SULT1E1: variants seen among roughly 807,000 people sequenced by gnomAD.
The protein encoded by SULT1E1 is sulfotransferase 1E1.
SULT1E1 carries 36 observed loss-of-function variants against 33.6 expected under a neutral mutation model. The ratio of observed to expected loss-of-function variants is 1.07; its 90% confidence interval spans 0.82 to 1.41. SULT1E1 has a LOEUF of 1.41. SULT1E1 is among the 40% of genes most tolerant of loss of function. SULT1E1 has a pLI of 0.00. For missense variants in SULT1E1, 371 were observed against 345.7 expected, an observed-to-expected ratio of 1.07 and a Z score of -0.58; for synonymous variants, 121 against 111.7, an observed-to-expected ratio of 1.08 and a Z score of -0.53.
chr4:69,851,531 G>T (rs1721106148), intron 4 of SULT1E1, among the ~76,000 whole-genome samples: 1 of 152,184 alleles, frequency 6.6e-6, no homozygotes, highest in African/African-American at 2.4e-5. Context: ...TGATGGGACT[G>T]TAAACTAGTT....
chr4:69,855,389 A>G lies in SULT1E1; in HGVS notation c.183T>C (p.Tyr61=). 6.2e-7 allele frequency: 1 copy of G among 1,613,042 alleles called. No homozygotes were observed. Among genetic ancestry groups the G allele is most frequent in the Non-Finnish European group, 8.5e-7 (1 of 1,179,434 alleles). ...TWVSEIVYMI[Y]KEGDVEKCKE... The stretch of plus-strand genomic sequence containing the variant: ...TGCACTTTTCCACATCACCCTCTTT[A>G]TAGATCATATACACAATTTCACTAA... Residue 61 remains tyrosine (Y), a synonymous_variant, in exon 3 of 8, where the codon TAT becomes TAC. Transcript: ENST00000226444.
Position 69,857,453 on chromosome 4 carries a change from G to A in SULT1E1, c.145+47C>T, listed in dbSNP as rs781710112. 5.1e-6 allele frequency: 8 copies of A among 1,564,814 alleles called. No individual in the cohort carries two copies. In the South Asian group the frequency reaches 8.6e-5, roughly 17 times the overall value. On this transcript the variant is annotated intron_variant, in intron 2 of 7. Transcript: ENST00000226444. ...AACACCTTAATATTTACCATTTACAGTGTGTTTGTTATTTTTAGGTGAAAA... is the reference window on the plus strand; with the variant it reads ...AACACCTTAATATTTACCATTTACAATGTGTTTGTTATTTTTAGGTGAAAA...
At chr4:69,853,512 C>T (rs1721168550) in intron 4 of SULT1E1, among the ~76,000 whole-genome samples, 1 of 152,144 alleles carries the variant, frequency 6.6e-6, no homozygotes, top group Non-Finnish European at 1.5e-5. Context: ...TCTGAATTGT[C>T]ATCACACTGA....
In SULT1E1 at chr4:69,859,604, T is replaced by G. The variant is rs371508007; in HGVS notation, c.-10+445A>C. On this transcript the variant is annotated intron_variant, in intron 1 of 7. Coordinates refer to ENST00000226444, the MANE Select transcript of SULT1E1 (RefSeq NM_005420.3). ...ATGTCAATGACCTACATATTAATTATTTACCAAGGACTTTGGATTTCTGTC... is the reference window on the plus strand; with the variant it reads ...ATGTCAATGACCTACATATTAATTAGTTACCAAGGACTTTGGATTTCTGTC... Among the ~76,000 whole-genome samples, 3 of 152,148 alleles carry G rather than the reference T, an allele frequency of 2.0e-5. No individual in the cohort carries two copies. The East Asian group carries it at 5.8e-4, about 29-fold the overall frequency.
chr4:69,840,755 A>G (rs549298533), downstream of SULT1E1, among the ~76,000 whole-genome samples: 1 of 152,334 alleles, frequency 6.6e-6, no homozygotes, highest in Admixed American at 6.5e-5. Flanking sequence ...GTTGAAAGTA[A>G]AAGAAAATGG....
chr4:69,853,483 G>A (rs1389070935), intron 4 of SULT1E1, among the ~76,000 whole-genome samples: 1 of 152,072 alleles, frequency 6.6e-6, no homozygotes, highest in East Asian at 1.9e-4. Context: ...ACTGATTTTA[G>A]ATGCCCCCTC....
At chr4:69,847,348 C>G (rs2055533) in intron 6 of SULT1E1, among the ~76,000 whole-genome samples, 1 of 151,464 alleles carries the variant, frequency 6.6e-6, no homozygotes, top group Non-Finnish European at 1.5e-5. Flanking sequence ...TGCAACATCT[C>G]TACATTTGCA....
intron 2 of SULT1E1, among the ~76,000 whole-genome samples, chr4:69,856,829 G>C (rs1005385959): frequency 6.6e-6 from 1 of 150,870 alleles, no homozygotes; most frequent in Non-Finnish European, 1.5e-5. Flanking sequence ...CCAGCTACTC[G>C]GGAGGCTGAG....
the SULT1E1 span, among the ~76,000 whole-genome samples, chr4:69,825,710 C>T: frequency 1.1e-4 from 16 of 152,204 alleles, no homozygotes; most frequent in South Asian, 6.2e-4. Context: ...TCCGGGGTCC[C>T]GACAACAAGT....
At position 69,847,034 on chromosome 4, in the gene SULT1E1, AG is replaced by A. The variant is rs1216325023; in HGVS notation, c.591+663del. Among the ~76,000 whole-genome samples, 96 of 151,860 alleles carry A rather than the reference AG, an allele frequency of 6.3e-4. No individual in the cohort carries two copies. In the East Asian group the frequency reaches 0.018, roughly 28 times the overall value. ...TTTTATTTTTTAAATGCTAATACTTAGTAAGAACCATTACTTTTCATCAAAT... is the reference window on the plus strand; with the variant it reads ...TTTTATTTTTTAAATGCTAATACTTATAAGAACCATTACTTTTCATCAAAT... On this transcript the variant is annotated intron_variant, in intron 6 of 7. Coordinates refer to ENST00000226444, the MANE Select transcript of SULT1E1 (RefSeq NM_005420.3).
At chr4:69,832,941 G>C in the SULT1E1 span, among the ~76,000 whole-genome samples, 1 of 152,138 alleles carries the variant, frequency 6.6e-6, no homozygotes, top group Non-Finnish European at 1.5e-5. Context: ...GGGAGTGCTG[G>C]GAAAGTCTTC....
chr4:69,849,403 G>GA, intron 5 of SULT1E1, 34 bp downstream of exon 5: 11 of 1,596,574 alleles, frequency 6.9e-6, no homozygotes, highest in South Asian at 2.3e-5. Flanking sequence ...ATAAAACCTT[G>GA]AAAAAAAATT....
chr4:69,823,794 G>A, the SULT1E1 span, among the ~76,000 whole-genome samples: 607 of 152,280 alleles, frequency 4.0e-3, 4 homozygotes, highest in African/African-American at 0.014. Flanking sequence ...CTGAGCAGAA[G>A]TTCCTGTAGG....
chr4:69,851,343 C>T (rs960101767), intron 4 of SULT1E1, among the ~76,000 whole-genome samples: 4 of 152,140 alleles, frequency 2.6e-5, no homozygotes, highest in Admixed American at 2.6e-4. Flanking sequence ...CAAGAGAAGA[C>T]ATTTATGCAG....
chr4:69,852,613 A>G (rs1721149729), intron 4 of SULT1E1, among the ~76,000 whole-genome samples: 1 of 152,042 alleles, frequency 6.6e-6, no homozygotes, highest in Admixed American at 6.6e-5. Flanking sequence ...TTTATCACTT[A>G]CAGTTTCTGC....
At chr4:69,854,662 T>C (rs2110072844) in intron 3 of SULT1E1, among the ~76,000 whole-genome samples, 1 of 152,090 alleles carries the variant, frequency 6.6e-6, no homozygotes, top group South Asian at 2.1e-4. Context: ...AAATATAAAA[T>C]GAAATAAAAT....
rs549286032 is a variant in SULT1E1, at chr4:69,847,922, A to G, written c.497-130T>C. 3.5e-4 allele frequency: 166 copies of G among 480,332 alleles called. 1 individual carries two copies. In the South Asian group the frequency reaches 6.2e-3, roughly 18 times the overall value. The allele number at this position is 480,332 out of a possible 1,614,324, so 29.8% of individuals were successfully genotyped here. On this transcript the variant is annotated intron_variant, in intron 5 of 7. Transcript: ENST00000226444. ...CATGAAATTAGAATAGATCAGCTGT[A>G]TATCTTAAGCAAAGTTCTCTGCAGC...
chr4:69,835,046 T>G, the SULT1E1 span, among the ~76,000 whole-genome samples: 1 of 152,196 alleles, frequency 6.6e-6, no homozygotes, highest in Non-Finnish European at 1.5e-5. Context: ...TATGCATAAC[T>G]CCATCCTTAC....
intron 7 of SULT1E1, among the ~76,000 whole-genome samples, chr4:69,842,545 T>C (rs1283391321): frequency 6.6e-6 from 1 of 152,212 alleles, no homozygotes; most frequent in Non-Finnish European, 1.5e-5. Context: ...AGTTCAAAAA[T>C]AAATTCATTT....
Sources: allele counts gnomAD v4.1 joint callset (sites outside exome capture counted in the v4.1 genomes callset), GRCh38; gene constraint gnomAD v4.1.1; transcripts MANE v1.5; gene names NCBI Gene and HGNC (gene_info 2026-07-23, HGNC 2026-07-21).